Variants in MORN1 observed in about 807,000 individuals in gnomAD.
MORN1 encodes MORN repeat containing 1, also known as MORN repeat-containing protein 1.
MORN1 carries 67 observed loss-of-function variants against 61.9 expected under a neutral mutation model. The ratio of observed to expected loss-of-function variants is 1.08; its 90% CI spans 0.89 to 1.33. The LOEUF is 1.33. Among genes scored for constraint, MORN1 ranks in the 40% most tolerant of loss-of-function variants. MORN1 has a pLI of 0.00. For missense variants in MORN1, 752 were observed against 691.2 expected, an observed-to-expected ratio of 1.09 and a Z score of -0.99; for synonymous variants, 301 against 292.0, an observed-to-expected ratio of 1.03 and a Z score of -0.31.
intron 8 of MORN1, among the ~76,000 whole-genome samples, chr1:2,370,150 G>A (rs1205770215): frequency 1.3e-5 from 2 of 152,230 alleles, no homozygotes; most frequent in East Asian, 1.9e-4. Context: ...AATCAGGATA[G>A]ACAGATCAGT....
At chr1:2,385,488 T>C in intron 5 of MORN1, 1 of 322,842 alleles carries the variant, frequency 3.1e-6, no homozygotes, top group South Asian at 3.2e-5. Flanking sequence ...CATTTAGACC[T>C]GGAGACGCTC....
intron 10 of MORN1, among the ~76,000 whole-genome samples, chr1:2,349,106 C>T (rs1641594142): frequency 6.6e-6 from 1 of 152,234 alleles, no homozygotes; most frequent in Non-Finnish European, 1.5e-5. Context: ...GCCCAACGCC[C>T]AGAGCAGGGG....
chr1:2,385,269 C>T, intron 5 of MORN1: 2 of 595,156 alleles, frequency 3.4e-6, no homozygotes, highest in East Asian at 2.8e-5. Flanking sequence ...CGCCCACCCC[C>T]ACCCTAGATG....
chr1:2,372,826 G>A lies in MORN1; in HGVS notation c.635-235C>T, dbSNP rs1376273379. On this transcript the variant is annotated intron_variant, in intron 7 of 13. Transcript: ENST00000378531. This position sits in a 1 kb window ranked among gnomAD's most constrained non-coding sequence, Gnocchi z 5.4. The stretch of plus-strand genomic sequence containing the variant: ...TGCTGGCCTGGAGCACTGTGGAATC[G>A]AACCAAGTGGACCACCGGGGCCACG... Among the ~76,000 whole-genome samples the A allele has an allele frequency of 2.0e-5, 3 of 152,206 alleles. No individual in the cohort carries two copies. The highest frequency in any genetic ancestry group is 4.4e-5 in the Non-Finnish European group (3 of 68,036).
rs761534336 is a variant in MORN1, at chr1:2,357,473, C to T, written c.995G>A (p.Gly332Asp). 1.9e-6 allele frequency: 3 copies of T among 1,612,294 alleles called. No individual in the cohort carries two copies. Among genetic ancestry groups the T allele is most frequent in the Non-Finnish European group, 2.5e-6 (3 of 1,179,434 alleles). ...GGTGTCCTCCTGGCCATGGAGGGCA[C>T]CCAAATGCAGCTCCAGGTCTCCCCT... Reference protein sequence around the residue: ...LPRGDLELHLGALHGQEDTPG... With the variant: ...LPRGDLELHLDALHGQEDTPG... The change falls in exon 10 of 14, where the codon GGT (glycine) becomes GAT (aspartate). Residue 332 changes from glycine to aspartate, a missense_variant. Coordinates refer to ENST00000378531, the MANE Select transcript of MORN1 (RefSeq NM_024848.3). This position sits in a 1 kb window ranked among gnomAD's most constrained non-coding sequence, Gnocchi z 6.3.
intron 12 of MORN1, among the ~76,000 whole-genome samples, chr1:2,325,110 T>TTCCTTCCC (rs1640978090): frequency 2.2e-5 from 1 of 45,930 alleles, no homozygotes; most frequent in Non-Finnish European, 4.0e-5. Flanking sequence ...TCCCCTTTCC[T>TTCCTTCCC]TCCCTTCCTT....
In MORN1 at chr1:2,365,295, T is replaced by A; in HGVS notation, c.746-6580A>T. 1.4e-5 allele frequency among the ~76,000 whole-genome samples: 2 copies of A among 147,724 alleles called. 1 individual carries two copies. The highest frequency in any genetic ancestry group is 3.0e-5 in the Non-Finnish European group (2 of 66,648). On this transcript the variant is annotated intron_variant, in intron 8 of 13. Transcript: ENST00000378531. ...CCTTCACGTCCCTTGTAAGTTGGAT[T>A]CCTAGGTATTTTATTCTCTTTGAAG...
intron 10 of MORN1, among the ~76,000 whole-genome samples, chr1:2,354,727 C>T (rs905992455): frequency 2.4e-4 from 37 of 152,192 alleles, no homozygotes; most frequent in African/African-American, 8.0e-4. Context: ...TTGGGGTGGA[C>T]GCTGCTGTTG....
In MORN1 at chr1:2,387,407, T is replaced by G. The variant is rs752972950; in HGVS notation, c.358+12A>C. The stretch of plus-strand genomic sequence containing the variant: ...CCACCCTCACAGCACCCGGCTCCTG[T>G]GGGCGCCAGACCTTCCCGCATGCCG... On this transcript the variant is annotated intron_variant, in intron 4 of 13. Transcript: ENST00000378531. The G allele has an allele frequency of 8.1e-6, 13 of 1,603,890 alleles. No individual in the cohort carries two copies. Among genetic ancestry groups the G allele is most frequent in the Non-Finnish European group, 1.1e-5 (13 of 1,172,284 alleles).
intron 12 of MORN1, among the ~76,000 whole-genome samples, chr1:2,332,999 G>C (rs1384028444): frequency 6.6e-6 from 1 of 152,206 alleles, no homozygotes; most frequent in Non-Finnish European, 1.5e-5. Flanking sequence ...CAACCCCCAC[G>C]GGTCCCCCAA....
At chr1:2,344,558 G>C (rs991913227) in intron 10 of MORN1, among the ~76,000 whole-genome samples, 5 of 152,298 alleles carry the variant, frequency 3.3e-5, no homozygotes, top group Admixed American at 3.3e-4. Flanking sequence ...TCCTCTGGAG[G>C]GGGGTCCCGT....
At chr1:2,347,002 G>T (rs1186455677) in intron 10 of MORN1, among the ~76,000 whole-genome samples, 2 of 152,174 alleles carry the variant, frequency 1.3e-5, no homozygotes, top group Non-Finnish European at 2.9e-5. Context: ...GGGACTCCTG[G>T]GTCCTTCTTG....
intron 10 of MORN1, among the ~76,000 whole-genome samples, chr1:2,348,508 C>T (rs574523910): frequency 4.6e-5 from 7 of 152,318 alleles, no homozygotes; most frequent in African/African-American, 1.4e-4. Flanking sequence ...TTTTCAGACG[C>T]GCACCTGGGT....
At chr1:2,326,837 G>C (rs1012292424) in intron 12 of MORN1, 2 of 152,318 alleles carry the variant, frequency 1.3e-5, no homozygotes, top group East Asian at 1.9e-4. Flanking sequence ...TGGCAGTCTC[G>C]GCCTCCCCGT....
rs565993977 is a variant in MORN1 at position 2,334,090 on chromosome 1, T to A, written c.1250+2379A>T. Reference sequence around the variant, plus strand: ...ACAGCTGGGGGAGCCTCAGGCAGGGTCCCCCACTCTTTCCTAAGAGGGGGC... The same window carrying A: ...ACAGCTGGGGGAGCCTCAGGCAGGGACCCCCACTCTTTCCTAAGAGGGGGC... On this transcript the variant is annotated intron_variant, in intron 12 of 13. Transcript: ENST00000378531. The surrounding 1 kb of genome is among the most constrained non-coding windows in gnomAD (Gnocchi z 5.4). Among the ~76,000 whole-genome samples, 11 of 150,928 alleles carry A rather than the reference T, an allele frequency of 7.3e-5. No homozygotes were observed. Among genetic ancestry groups the A allele is most frequent in the Admixed American group, 5.9e-4 (9 of 15,156 alleles).
intron 6 of MORN1, among the ~76,000 whole-genome samples, chr1:2,380,547 GTTT>G (rs1397140025): frequency 2.0e-5 from 3 of 152,112 alleles, no homozygotes; most frequent in African/African-American, 4.8e-5. Flanking sequence ...TAGTGTTTTG[GTTT>G]TTTATTTTTT....
chr1:2,322,062 C>T, intron 13 of MORN1: 1 of 985,380 alleles, frequency 1.0e-6, no homozygotes, highest in Non-Finnish European at 1.2e-6. Context: ...CTTTTGAAGC[C>T]CCGCCCTGGC....
chr1:2,390,783 C>T, intron 1 of MORN1: 1 of 980,438 alleles, frequency 1.0e-6, no homozygotes, highest in Non-Finnish European at 1.2e-6. Context: ...GAGTCTTGCT[C>T]TGTCGCCCAG....
intron 12 of MORN1, among the ~76,000 whole-genome samples, chr1:2,331,874 C>T (rs113685824): frequency 4.7e-5 from 6 of 126,940 alleles, no homozygotes; most frequent in East Asian, 2.5e-4. Flanking sequence ...CTCCCTCGTG[C>T]GCCTCTCCCG....
Sources: gnomAD v4.1 joint callset for allele counts (sites outside exome capture counted in the v4.1 genomes callset) on GRCh38, gnomAD v4.1.1 for gene constraint, Gnocchi (gnomAD v3.1) non-coding constraint, MANE v1.5 for transcripts, NCBI Gene and HGNC (gene_info 2026-07-23, HGNC 2026-07-21) for gene names.